The following OGN variants were observed in gnomAD, a reference collection of about 807,000 sequenced individuals.
OGN encodes osteoglycin, also known as mimecan.
In OGN, 19 loss-of-function variants were observed where a neutral mutation model predicts 30.8. That is an observed-to-expected ratio of 0.62 (90% CI 0.43 to 0.90). The LOEUF (loss-of-function observed/expected upper bound fraction) is 0.90, where lower values mean the gene tolerates loss of function less well. Among genes scored for constraint, OGN ranks in the 40% least tolerant of loss-of-function variants. The pLI is 0.00. For synonymous variants in OGN, 126 were observed against 128.3 expected (o/e 0.98, Z 0.12); for missense variants, 283 against 349.7 (o/e 0.81, Z 1.52).
Position 92,403,255 on chromosome 9 carries a change from G to T in OGN, c.153C>A (p.Tyr51Ter). The T allele has an allele frequency of 6.3e-7, 1 of 1,587,314 alleles. No homozygotes were observed. The highest frequency in any genetic ancestry group is 1.1e-5 in the South Asian group (1 of 88,716). ...GTACCTTAATATTTTTTCCATCCAG[G>T]TATTTATCCTCATAATCTTGGCTAA... Reference protein sequence around the residue: ...SIFSQDYEDKYLDGKNIKEKE... With the variant: ...SIFSQDYEDK The change falls in exon 2 of 7, where the codon TAC becomes TAA. Residue 51 changes from tyrosine to a stop codon, truncating the protein, a stop_gained. Transcript: ENST00000375561. LOFTEE classifies it high-confidence loss of function.
intron 5 of OGN, among the ~76,000 whole-genome samples, chr9:92,387,041 C>T (rs1842454336): frequency 8.0e-6 from 1 of 124,544 alleles, no homozygotes; most frequent in South Asian, 2.7e-4. Flanking sequence ...GAGCGAGACT[C>T]TGTCTCAAAA....
At chr9:92,400,934 A>G (rs572656833) in intron 3 of OGN, among the ~76,000 whole-genome samples, 158 bp downstream of exon 3, 1 of 152,334 alleles carries the variant, frequency 6.6e-6, no homozygotes, top group Non-Finnish European at 1.5e-5. Context: ...GTGGGATGGC[A>G]AATGGTGTGC....
rs149141115 is a variant in OGN, at chr9:92,400,988, T to G, written c.268+104A>C. On this transcript the variant is annotated intron_variant, in intron 3 of 6. Coordinates refer to ENST00000375561, the MANE Select transcript of OGN (RefSeq NM_014057.5). ...TCATTGGAAATAAAATTCCACTGTT[T>G]GTATTTACTGTATCTTGAGTCAGTT... The G allele has an allele frequency of 1.5e-4, 87 of 598,102 alleles. No individual in the cohort carries two copies. The East Asian group carries it at 2.4e-3, about 16-fold the overall frequency. The allele number at this position is 598,102 out of a possible 1,614,324, so 37.0% of individuals were successfully genotyped here.
chr9:92,394,966 T>C (rs1348133542), intron 3 of OGN, among the ~76,000 whole-genome samples: 1 of 152,228 alleles, frequency 6.6e-6, no homozygotes, highest in Non-Finnish European at 1.5e-5. Flanking sequence ...CCATAAGTCA[T>C]AATCTGTGTT....
chr9:92,389,103 C>T (rs1337377606), intron 5 of OGN, among the ~76,000 whole-genome samples: 1 of 152,040 alleles, frequency 6.6e-6, no homozygotes, highest in Non-Finnish European at 1.5e-5. Flanking sequence ...TCTGAAGTTA[C>T]CTTTAGAAGC....
Position 92,384,078 on chromosome 9 carries a change from C to G in OGN, c.*1542G>C, listed in dbSNP as rs567860139. The G allele has an allele frequency of 8.1e-4, 124 of 152,248 alleles. 1 individual carries two copies. The highest frequency in any genetic ancestry group is 2.8e-3 in the African/African-American group (115 of 41,560). The allele number at this position is 152,248 out of a possible 1,614,324, so 9.4% of individuals were successfully genotyped here. On this transcript the variant is annotated 3_prime_UTR_variant, in exon 7 of 7. Coordinates refer to ENST00000375561, the MANE Select transcript of OGN (RefSeq NM_014057.5). The stretch of plus-strand genomic sequence containing the variant: ...AAAGTATAAAGCTGCATTTTGCGCT[C>G]TCAGTGAGGTTTAAGTCAGGGAAAT...
At chr9:92,400,822 G>C (rs1019857230) in intron 3 of OGN, among the ~76,000 whole-genome samples, 1 of 152,156 alleles carries the variant, frequency 6.6e-6, no homozygotes, top group Non-Finnish European at 1.5e-5. Context: ...AGTATTTCTC[G>C]AATAGATTTT....
intron 3 of OGN, among the ~76,000 whole-genome samples, chr9:92,395,275 T>A (rs2130910203): frequency 2.0e-5 from 3 of 152,342 alleles, no homozygotes; most frequent in Non-Finnish European, 4.4e-5. Flanking sequence ...GAGAATTTTA[T>A]ATTAAAAGAA....
chr9:92,403,190 T>TG, intron 2 of OGN, 44 bp downstream of exon 2: 5 of 1,318,328 alleles, frequency 3.8e-6, no homozygotes, highest in Non-Finnish European at 5.2e-6. Flanking sequence ...TGCATTTAAA[T>TG]GGGCAGTATT....
chr9:92,386,379 G>T, intron 5 of OGN, 83 bp from the exon 6 acceptor site: 1 of 816,716 alleles, frequency 1.2e-6, no homozygotes, highest in Non-Finnish European at 2.1e-6. Flanking sequence ...GTGCATATGA[G>T]TATATGTCTA....
intron 3 of OGN, 49 bp from the exon 4 acceptor site, chr9:92,393,293 T>C: frequency 6.9e-7 from 1 of 1,448,164 alleles, no homozygotes; most frequent in South Asian, 1.3e-5. Context: ...TTTGAAAATA[T>C]TTCTCCTCTA....
rs539459791 is a variant in OGN at position 92,393,137 on chromosome 9, C to T, written c.376G>A (p.Ala126Thr). The T allele has an allele frequency of 4.3e-5, 70 of 1,613,748 alleles. 1 individual carries two copies. The highest frequency in any genetic ancestry group is 5.3e-5 in the African/African-American group (4 of 75,010). Reference protein sequence around the residue: ...PLPKESAYLYARFNKIKKLTA... With the variant: ...PLPKESAYLYTRFNKIKKLTA... Reference sequence around the variant, plus strand: ...AGCTTTTTAATTTTGTTGAATCGTGCGTAAAGATAGGCTGATTCCTTTGGT... The same window carrying T: ...AGCTTTTTAATTTTGTTGAATCGTGTGTAAAGATAGGCTGATTCCTTTGGT... The change falls in exon 4 of 7, where the codon GCA becomes ACA. Residue 126 changes from alanine to threonine, a missense_variant. Coordinates refer to ENST00000375561, the MANE Select transcript of OGN (RefSeq NM_014057.5).
intron 5 of OGN, among the ~76,000 whole-genome samples, chr9:92,386,939 T>G (rs868855957): frequency 6.6e-6 from 1 of 150,746 alleles, no homozygotes; most frequent in South Asian, 2.1e-4. Context: ...TCCCAGCTAC[T>G]CGGGAGGCTG....
At chr9:92,387,806 C>T (rs969148486) in intron 5 of OGN, among the ~76,000 whole-genome samples, 2 of 152,048 alleles carry the variant, frequency 1.3e-5, no homozygotes, top group East Asian at 1.9e-4. Context: ...CTCTGTTGCC[C>T]AGGCTGTAGT....
At chr9:92,396,837 T>A (rs571286882) in intron 3 of OGN, among the ~76,000 whole-genome samples, 50 of 152,078 alleles carry the variant, frequency 3.3e-4, no homozygotes, top group Non-Finnish European at 6.0e-4. Flanking sequence ...CCCATAAACA[T>A]CTTTTATATC....
intron 3 of OGN, among the ~76,000 whole-genome samples, chr9:92,397,996 T>C (rs1310629602): frequency 6.6e-6 from 1 of 152,214 alleles, no homozygotes; most frequent in Non-Finnish European, 1.5e-5. Flanking sequence ...CTTCCACCTT[T>C]CCGTATTTGT....
chr9:92,400,943 G>C, intron 3 of OGN, 149 bp downstream of exon 3: 1 of 517,218 alleles, frequency 1.9e-6, no homozygotes, highest in Non-Finnish European at 3.4e-6. Flanking sequence ...CAAATGGTGT[G>C]CACTCCCAGT....
Position 92,385,529 on chromosome 9 carries a change from A to G in OGN, c.*91T>C. The G allele has an allele frequency of 9.2e-7, 1 of 1,083,466 alleles. No homozygotes were observed. Among genetic ancestry groups the G allele is most frequent in the Non-Finnish European group, 1.4e-6 (1 of 738,420 alleles). 67.1% of individuals were successfully genotyped at this position (1,083,466 alleles called of 1,614,324 possible). A position where few individuals can be genotyped will look rare whatever the true frequency, so the allele number is the denominator to read the frequency against. ...TCCTTCAAAATGAGATACAAGGTTA[A>G]TATTAAACCAATACTTAAGTTCCTT... On this transcript the variant is annotated 3_prime_UTR_variant, in exon 7 of 7. Coordinates refer to ENST00000375561, the MANE Select transcript of OGN (RefSeq NM_014057.5).
chr9:92,403,134 T>A, intron 2 of OGN, 100 bp downstream of exon 2: 1 of 704,242 alleles, frequency 1.4e-6, no homozygotes. Context: ...AAAGTGATTT[T>A]CCCTTCCCCT....
Sources: gnomAD v4.1 joint callset for allele counts (sites outside exome capture counted in the v4.1 genomes callset) on GRCh38, gnomAD v4.1.1 for gene constraint, MANE v1.5 for transcripts, NCBI Gene and HGNC (gene_info 2026-07-23, HGNC 2026-07-21) for gene names.